ACBD6: variants seen among roughly 807,000 people sequenced by gnomAD.
ACBD6 encodes acyl-CoA binding domain containing 6.
In ACBD6, 28 loss-of-function variants were observed where a neutral mutation model predicts 37.2. That is an observed-to-expected ratio of 0.75 (90% CI 0.56 to 1.03). The LOEUF is 1.03. Among genes scored for constraint, ACBD6 ranks in the 50% least tolerant of loss-of-function variants. The probability of loss-of-function intolerance (pLI) is 0.00; values close to 1 mark genes in which losing one functional copy is unlikely to be tolerated. For synonymous variants in ACBD6, 113 were observed against 126.8 expected (o/e 0.89, Z 0.73); for missense variants, 340 against 337.4 (o/e 1.01, Z -0.06).
chr1:180,372,913 C>T (rs1270313446), intron 6 of ACBD6, among the ~76,000 whole-genome samples: 1 of 152,156 alleles, frequency 6.6e-6, no homozygotes, highest in African/African-American at 2.4e-5. Context: ...ATATTTATTG[C>T]TATTGATCTG....
chr1:180,297,701 CT>C (rs1649978377), intron 7 of ACBD6, among the ~76,000 whole-genome samples: 1 of 152,112 alleles, frequency 6.6e-6, no homozygotes. Flanking sequence ...ATTATAGTAT[CT>C]TTTTGAGACT....
chr1:180,470,196 A>G (rs1030945579), intron 3 of ACBD6, among the ~76,000 whole-genome samples: 2 of 152,146 alleles, frequency 1.3e-5, no homozygotes, highest in Non-Finnish European at 2.9e-5. Context: ...AGTGTCACAA[A>G]TAAAGCATAG....
At chr1:180,279,525 T>G (rs1649243602) in intron 9 of ACBD6, among the ~76,000 whole-genome samples, 1 of 152,218 alleles carries the variant, frequency 6.6e-6, no homozygotes, top group African/African-American at 2.4e-5. Context: ...CTCGAACTCC[T>G]GACCTCAAGT....
At chr1:180,363,555 C>A (rs1280678853) in intron 6 of ACBD6, among the ~76,000 whole-genome samples, 3 of 152,040 alleles carry the variant, frequency 2.0e-5, no homozygotes, top group African/African-American at 4.8e-5. Context: ...ATGTAACGGG[C>A]AAAGCAAAGA....
chr1:180,352,232 C>T (rs763891847), intron 6 of ACBD6, among the ~76,000 whole-genome samples: 1 of 152,058 alleles, frequency 6.6e-6, no homozygotes, highest in African/African-American at 2.4e-5. Context: ...AATGATTGCA[C>T]AACAATGTGA....
chr1:180,397,633 G>A, intron 5 of ACBD6, 28 bp from the exon 6 acceptor site: 1 of 1,545,634 alleles, frequency 6.5e-7, no homozygotes, highest in Non-Finnish European at 8.9e-7. Context: ...AAATGAATTT[G>A]TTATCTCAGT....
rs1478001005 is a variant in ACBD6 at position 180,292,136 on chromosome 1, A to C, written c.695-3619T>G. ...GGCCTCCAACTTTATTCTTTTTCAA[A>C]GTTGTTTTGATTATTCTAGGTCCTT... On this transcript the variant is annotated intron_variant, in intron 7 of 7. Transcript: ENST00000367595. Among the ~76,000 whole-genome samples the C allele has an allele frequency of 2.0e-5, 3 of 152,186 alleles. No homozygotes were observed. The East Asian group carries it at 5.8e-4, about 29-fold the overall frequency.
chr1:180,491,187 G>A (rs1651489593), intron 3 of ACBD6, among the ~76,000 whole-genome samples: 1 of 151,972 alleles, frequency 6.6e-6, no homozygotes, highest in Non-Finnish European at 1.5e-5. Context: ...ATGTACACAT[G>A]AAATTATGTA....
At chr1:180,465,089 A>C (rs1650296541) in intron 3 of ACBD6, among the ~76,000 whole-genome samples, 1 of 152,078 alleles carries the variant, frequency 6.6e-6, no homozygotes, top group Admixed American at 6.5e-5. Context: ...CTGGAAGACA[A>C]CCTCGGCAAT....
At chr1:180,431,157 G>T (rs540314444) in intron 3 of ACBD6, among the ~76,000 whole-genome samples, 22 of 147,896 alleles carry the variant, frequency 1.5e-4, no homozygotes, top group Admixed American at 4.0e-4. Flanking sequence ...TACGAGTTTT[G>T]TTTTGTTTTT....
At chr1:180,323,205 T>G (rs979814197) in intron 6 of ACBD6, among the ~76,000 whole-genome samples, 8 of 152,090 alleles carry the variant, frequency 5.3e-5, no homozygotes, top group African/African-American at 1.9e-4. Flanking sequence ...TGATGAATAT[T>G]GATTCAGAAA....
intron 3 of ACBD6, chr1:180,434,914 C>G (rs762607531): frequency 3.9e-6 from 3 of 776,612 alleles, no homozygotes; most frequent in Non-Finnish European, 7.1e-6. Context: ...TTGGAATTTA[C>G]AAGCTCAGGC....
chr1:180,412,840 T>A (rs1314556152), intron 5 of ACBD6, among the ~76,000 whole-genome samples: 1 of 152,174 alleles, frequency 6.6e-6, no homozygotes, highest in Non-Finnish European at 1.5e-5. Flanking sequence ...CACTCCAGCC[T>A]GGGCAACAGA....
In ACBD6 at chr1:180,502,270, T is replaced by C. The variant is rs752059473; in HGVS notation, c.-4A>G. On this transcript the variant is annotated 5_prime_UTR_variant, in exon 1 of 8. Transcript: ENST00000367595. Reference sequence around the variant, plus strand: ...CGGGCAGGAATGATGAAGCCATGTCTCCTTGCTCGCTCCGTCCCTCTGTGT... The same window carrying C: ...CGGGCAGGAATGATGAAGCCATGTCCCCTTGCTCGCTCCGTCCCTCTGTGT... The C allele has an allele frequency of 6.2e-7, 1 of 1,612,498 alleles. No homozygotes were observed. Among genetic ancestry groups the C allele is most frequent in the Non-Finnish European group, 8.5e-7 (1 of 1,180,006 alleles).
intron 3 of ACBD6, among the ~76,000 whole-genome samples, chr1:180,467,448 C>CAAAAAAAAAAAAAA (rs57941230): frequency 4.0e-4 from 29 of 72,518 alleles, no homozygotes; most frequent in Non-Finnish European, 5.3e-4. Flanking sequence ...TCCATCTCTG[C>CAAAAAAAAAAAAAA]AAAAAAAAAA....
intron 1 of ACBD6, among the ~76,000 whole-genome samples, chr1:180,495,854 C>T (rs966232682): frequency 3.3e-5 from 5 of 152,008 alleles, no homozygotes; most frequent in African/African-American, 4.8e-5. Flanking sequence ...CTCTTTATTA[C>T]CATGTATAAA....
chr1:180,484,439 T>C (rs1171594698), intron 3 of ACBD6, among the ~76,000 whole-genome samples: 1 of 152,218 alleles, frequency 6.6e-6, no homozygotes, highest in Non-Finnish European at 1.5e-5. Flanking sequence ...ACTTTCTGTA[T>C]ATTCTAGACT....
chr1:180,446,869 C>T (rs1190290873), intron 3 of ACBD6, among the ~76,000 whole-genome samples: 6 of 152,028 alleles, frequency 3.9e-5, no homozygotes, highest in Non-Finnish European at 8.8e-5. Flanking sequence ...GGTAAAACCC[C>T]ATCTCTACTA....
chr1:180,342,815 A>T (rs911762014), intron 6 of ACBD6, among the ~76,000 whole-genome samples: 1 of 152,080 alleles, frequency 6.6e-6, no homozygotes, highest in Admixed American at 6.5e-5. Flanking sequence ...TATTACAAAG[A>T]ATAAATGGAA....
Sources: allele counts gnomAD v4.1 joint callset (sites outside exome capture counted in the v4.1 genomes callset), GRCh38; gene constraint gnomAD v4.1.1; transcripts MANE v1.5; gene names NCBI Gene and HGNC (gene_info 2026-07-23, HGNC 2026-07-21).